The following RAB10 variants were observed in gnomAD, a reference collection of about 807,000 sequenced individuals.
RAB10 encodes RAB10, member RAS oncogene family.
RAB10 carries 5 observed loss-of-function variants against 25.7 expected under a neutral mutation model. The observed-to-expected ratio is 0.19, with a 90% CI of 0.10 to 0.41. The LOEUF is 0.41. RAB10 is among the 10% of genes least tolerant of loss of function. The pLI is 1.00. For synonymous variants in RAB10, 89 were observed against 86.4 expected (o/e 1.03, Z -0.16); for missense variants, 103 against 245.8 (o/e 0.42, Z 3.89).
intron 3 of RAB10, among the ~76,000 whole-genome samples, chr2:26,122,484 C>T (rs979840810): frequency 2.8e-4 from 43 of 152,058 alleles, no homozygotes; most frequent in African/African-American, 9.9e-4. Context: ...AAAAATTAGC[C>T]AGGCGTGGTG....
intron 1 of RAB10, among the ~76,000 whole-genome samples, chr2:26,038,149 G>T (rs1201208971): frequency 6.6e-6 from 1 of 150,542 alleles, no homozygotes; most frequent in East Asian, 2.0e-4. Context: ...GCGTCTCAAA[G>T]TGCTGGGATT....
At chr2:26,035,130 T>TTTA (rs1665737653) in intron 1 of RAB10, among the ~76,000 whole-genome samples, 1 of 152,216 alleles carries the variant, frequency 6.6e-6, no homozygotes, top group African/African-American at 2.4e-5. Flanking sequence ...AAGGCCTGAA[T>TTTA]TTATACTTTG....
At chr2:26,041,033 TTG>T (rs1261915215) in intron 1 of RAB10, among the ~76,000 whole-genome samples, 1 of 152,044 alleles carries the variant, frequency 6.6e-6, no homozygotes, top group Non-Finnish European at 1.5e-5. Context: ...GCAGAAATCT[TTG>T]TCTTTTTTTT....
intron 3 of RAB10, among the ~76,000 whole-genome samples, chr2:26,110,442 A>G (rs1667546140): frequency 1.3e-5 from 2 of 152,134 alleles, no homozygotes; most frequent in Non-Finnish European, 2.9e-5. Flanking sequence ...AAATTACTCC[A>G]AAACTCTGTA....
At chr2:26,107,886 G>A (rs558694684) in intron 2 of RAB10, among the ~76,000 whole-genome samples, 138 of 151,408 alleles carry the variant, frequency 9.1e-4, no homozygotes, top group Non-Finnish European at 1.3e-3. Flanking sequence ...GAGGACATGT[G>A]GATGGCAAAT....
At chr2:26,108,882 TTTATTTA>T (rs1667517754) in intron 2 of RAB10, among the ~76,000 whole-genome samples, 92 of 5,000 alleles carry the variant, frequency 0.018, no homozygotes, top group Non-Finnish European at 0.07. Flanking sequence ...TTGCTTTATA[TTTATTTA>T]TTTATTTATT....
chr2:26,062,298 G>T (rs530540422), intron 1 of RAB10, among the ~76,000 whole-genome samples: 1 of 152,200 alleles, frequency 6.6e-6, no homozygotes, highest in East Asian at 1.9e-4. Flanking sequence ...TAATTTTGGT[G>T]GCAATACTTT....
upstream of RAB10, among the ~76,000 whole-genome samples, chr2:26,033,375 T>C (rs1280990720): frequency 1.3e-5 from 2 of 152,208 alleles, no homozygotes; most frequent in Non-Finnish European, 2.9e-5. Flanking sequence ...GCCCAGGTGT[T>C]CCTCAACCTT....
chr2:26,094,273 CAG>C (rs1228182847), intron 1 of RAB10, among the ~76,000 whole-genome samples: 3 of 149,874 alleles, frequency 2.0e-5, no homozygotes, highest in African/African-American at 7.4e-5. Context: ...GTTTTTGAGA[CAG>C]AGTTTCATTC....
chr2:26,046,719 A>G (rs139801480), intron 1 of RAB10, among the ~76,000 whole-genome samples: 41 of 152,284 alleles, frequency 2.7e-4, no homozygotes, highest in African/African-American at 9.4e-4. Context: ...CGCCTGGCCT[A>G]GAATGCTGTG....
At chr2:26,107,158 A>C (rs917292963) in intron 2 of RAB10, among the ~76,000 whole-genome samples, 1 of 150,832 alleles carries the variant, frequency 6.6e-6, no homozygotes, top group Non-Finnish European at 1.5e-5. Flanking sequence ...AGGCAGGAGA[A>C]TCTCTTGAAC....
At chr2:26,101,644 G>C (rs1421355164) in intron 2 of RAB10, 4 of 152,196 alleles carry the variant, frequency 2.6e-5, no homozygotes, top group African/African-American at 4.8e-5. Flanking sequence ...TACCTGGCAA[G>C]GGACTGTGGG....
chr2:26,083,188 A>G (rs1666904228), intron 1 of RAB10, among the ~76,000 whole-genome samples: 1 of 152,202 alleles, frequency 6.6e-6, no homozygotes, highest in Admixed American at 6.5e-5. Context: ...ATAATAAAAT[A>G]AAGCAAGAGA....
chr2:26,129,074 A>C lies in RAB10; in HGVS notation c.519+1123A>C, dbSNP rs553438895. On this transcript the variant is annotated intron_variant, in intron 5 of 5. Coordinates refer to ENST00000264710, the MANE Select transcript of RAB10 (RefSeq NM_016131.5). The stretch of plus-strand genomic sequence containing the variant: ...GATCACGAGGTCAGGAGATGAGACC[A>C]TCCTGGCCAACACGGTGAAACCCCA... Among the ~76,000 whole-genome samples the C allele has an allele frequency of 2.6e-5, 4 of 152,276 alleles. No individual in the cohort carries two copies. The East Asian group carries it at 5.8e-4, about 22-fold the overall frequency.
At chr2:26,084,910 G>A (rs567081693) in intron 1 of RAB10, among the ~76,000 whole-genome samples, 1 of 152,136 alleles carries the variant, frequency 6.6e-6, no homozygotes, top group African/African-American at 2.4e-5. Context: ...TTTTTAATTT[G>A]TGATTTTGCA....
At chr2:26,073,502 A>G (rs527489802) in intron 1 of RAB10, among the ~76,000 whole-genome samples, 19 of 152,338 alleles carry the variant, frequency 1.2e-4, no homozygotes, top group African/African-American at 4.3e-4. Context: ...CCAGGATCAG[A>G]TGGATTTTCC....
chr2:26,122,625 CAAAAAAAAA>C (rs775681640), intron 3 of RAB10, among the ~76,000 whole-genome samples: 1 of 88,612 alleles, frequency 1.1e-5, no homozygotes, highest in Non-Finnish European at 2.3e-5. Context: ...GACTCTGTCT[CAAAAAAAAA>C]AACAAAAAAA....
intron 1 of RAB10, among the ~76,000 whole-genome samples, chr2:26,061,699 C>G (rs529780882): frequency 1.3e-5 from 2 of 152,064 alleles, no homozygotes; most frequent in African/African-American, 4.8e-5. Context: ...TCTTATTTTT[C>G]TCGCTTAACA....
intron 1 of RAB10, among the ~76,000 whole-genome samples, chr2:26,095,418 T>A (rs1667191297): frequency 6.6e-6 from 1 of 152,028 alleles, no homozygotes; most frequent in South Asian, 2.1e-4. Context: ...CCATCCTGGC[T>A]AACACGGTGA....
Sources: gnomAD v4.1 joint callset for allele counts (sites outside exome capture counted in the v4.1 genomes callset) on GRCh38, gnomAD v4.1.1 for gene constraint, MANE v1.5 for transcripts, NCBI Gene and HGNC (gene_info 2026-07-23, HGNC 2026-07-21) for gene names.